The following KIZ variants were observed in gnomAD, a reference collection of about 807,000 sequenced individuals.
KIZ encodes the protein centrosomal protein kizuna.
Under a neutral mutation model 79.6 loss-of-function variants are expected in KIZ, and 68 were observed. That is an observed-to-expected ratio of 0.85 (90% CI 0.70 to 1.05). The LOEUF (loss-of-function observed/expected upper bound fraction) is 1.05. KIZ is among the 50% of genes least tolerant of loss of function. The pLI, the probability that KIZ is intolerant of heterozygous loss-of-function variation, is 0.00. For missense variants in KIZ, 797 were observed against 800.4 expected (o/e 1.00, Z 0.05); for synonymous variants, 280 against 281.8 (o/e 0.99, Z 0.06).
intron 7 of KIZ, among the ~76,000 whole-genome samples, chr20:21,213,236 ATCCAGACCTTCTG>A (rs1293410052): frequency 6.6e-6 from 1 of 152,222 alleles, no homozygotes; most frequent in Non-Finnish European, 1.5e-5. Flanking sequence ...CAGACCTTCC[ATCCAGACCTTCTG>A]TCCGGGCCTT....
chr20:21,152,348 G>A (rs1180938484), intron 4 of KIZ, among the ~76,000 whole-genome samples: 1 of 152,158 alleles, frequency 6.6e-6, no homozygotes, highest in South Asian at 2.1e-4. Flanking sequence ...TTCATTTTAG[G>A]AAGAAGGAGC....
chr20:21,224,140 C>T (rs985901161), intron 9 of KIZ, among the ~76,000 whole-genome samples: 15 of 151,788 alleles, frequency 9.9e-5, no homozygotes, highest in Admixed American at 2.0e-4. Flanking sequence ...ACTACAGGCA[C>T]GCGCCACCAT....
At chr20:21,133,445 T>C (rs1387277226) in intron 2 of KIZ, among the ~76,000 whole-genome samples, 2 of 152,172 alleles carry the variant, frequency 1.3e-5, no homozygotes, top group Non-Finnish European at 2.9e-5. Flanking sequence ...GGGCAGAAGA[T>C]TGTGTGTAGA....
intron 12 of KIZ, chr20:21,244,836 G>C (rs111640523): frequency 2.6e-5 from 4 of 153,732 alleles, no homozygotes; most frequent in African/African-American, 9.6e-5. Context: ...GGAGGCCCCA[G>C]CCCTGCTCTC....
chr20:21,229,987 C>A (rs1049923769), intron 10 of KIZ, among the ~76,000 whole-genome samples: 2 of 151,928 alleles, frequency 1.3e-5, no homozygotes, highest in Non-Finnish European at 2.9e-5. Context: ...AGTGGTTTTC[C>A]TTTCATTACA....
chr20:21,132,082 T>C lies in KIZ; in HGVS notation c.90-15T>C. 9.4e-7 allele frequency: 1 copy of C among 1,059,602 alleles called. No individual in the cohort carries two copies. The highest frequency in any genetic ancestry group is 1.4e-6 in the Non-Finnish European group (1 of 709,152). The allele number at this position is 1,059,602 out of a possible 1,614,324, so 65.6% of individuals were successfully genotyped here. Reference sequence around the variant, plus strand: ...ACTTATCATGTAATTACTTATAAAATGTTTTTTATTATAGTGAAAAGAAGA... The same window carrying C: ...ACTTATCATGTAATTACTTATAAAACGTTTTTTATTATAGTGAAAAGAAGA... On this transcript the variant is annotated splice_polypyrimidine_tract_variant and intron_variant, in intron 1 of 12. Transcript: ENST00000619189.
At chr20:21,200,640 C>G (rs972527127) in intron 6 of KIZ, among the ~76,000 whole-genome samples, 1 of 151,986 alleles carries the variant, frequency 6.6e-6, no homozygotes, top group Non-Finnish European at 1.5e-5. Flanking sequence ...AATGCTCCCC[C>G]TGATCTGACA....
At chr20:21,173,746 A>G (rs1324899635) in intron 6 of KIZ, among the ~76,000 whole-genome samples, 1 of 152,092 alleles carries the variant, frequency 6.6e-6, no homozygotes, top group Admixed American at 6.5e-5. Flanking sequence ...GAAAATCAAG[A>G]CAGAAGTTTT....
chr20:21,177,287 T>G (rs952606990), intron 6 of KIZ, among the ~76,000 whole-genome samples: 1 of 152,194 alleles, frequency 6.6e-6, no homozygotes, highest in Non-Finnish European at 1.5e-5. Flanking sequence ...TCGTATGAAC[T>G]GAAATTTTTC....
At chr20:21,163,226 CA>C in intron 6 of KIZ, 67 bp downstream of exon 6, 1 of 1,070,610 alleles carries the variant, frequency 9.3e-7, no homozygotes, top group Non-Finnish European at 1.4e-6. Flanking sequence ...GAGACCATTC[CA>C]CTGGGAATGT....
At chr20:21,215,669 G>T in intron 9 of KIZ, 21 bp downstream of exon 9, 1 of 1,539,552 alleles carries the variant, frequency 6.5e-7, no homozygotes, top group Non-Finnish European at 8.9e-7. Context: ...GGTTGCCTAA[G>T]AGTTTCAGAC....
rs1383063921 is a variant in KIZ at position 21,163,174 on chromosome 20, T to A, written c.1352+15T>A. On this transcript the variant is annotated intron_variant, in intron 6 of 12. Coordinates refer to ENST00000619189, the MANE Select transcript of KIZ (RefSeq NM_018474.6). ...CCAACAAGAGAGTAAGCCATTCAATTTTTTTTTTCTACTGTTCTGTTTTTA... is the reference window on the plus strand; with the variant it reads ...CCAACAAGAGAGTAAGCCATTCAATATTTTTTTTCTACTGTTCTGTTTTTA... The A allele has an allele frequency of 1.9e-6, 3 of 1,566,230 alleles. No homozygotes were observed. Among genetic ancestry groups the A allele is most frequent in the Admixed American group, 1.9e-5 (1 of 53,258 alleles).
chr20:21,163,229 T>A, intron 6 of KIZ, 70 bp downstream of exon 6: 3 of 1,038,072 alleles, frequency 2.9e-6, no homozygotes, highest in African/African-American at 1.6e-5. Flanking sequence ...ACCATTCCAC[T>A]GGGAATGTAT....
chr20:21,195,838 A>G (rs2035320839), intron 6 of KIZ: 1 of 152,484 alleles, frequency 6.6e-6, no homozygotes, highest in African/African-American at 2.4e-5. Context: ...TGATGGAGGC[A>G]CTGGCCCCAG....
At chr20:21,209,914 C>T (rs181504406) in intron 7 of KIZ, among the ~76,000 whole-genome samples, 101 of 107,154 alleles carry the variant, frequency 9.4e-4, no homozygotes, top group African/African-American at 3.8e-3. Flanking sequence ...TTCTTTAGAG[C>T]GAGCATATGT....
intron 11 of KIZ, among the ~76,000 whole-genome samples, chr20:21,244,032 G>A (rs1172031791): frequency 3.3e-5 from 5 of 152,150 alleles, no homozygotes; most frequent in Non-Finnish European, 5.9e-5. Flanking sequence ...GGGGACACAC[G>A]CAGGACGGGA....
chr20:21,160,712 C>G (rs749810576), intron 4 of KIZ, among the ~76,000 whole-genome samples: 32 of 152,242 alleles, frequency 2.1e-4, no homozygotes, highest in Non-Finnish European at 3.4e-4. Flanking sequence ...TATTGAAATT[C>G]TAATCCCCAA....
At chr20:21,126,033 G>A, upstream of KIZ, 1 of 1,391,442 alleles carries the variant, frequency 7.2e-7, no homozygotes, top group Non-Finnish European at 9.3e-7. Flanking sequence ...TTTACCCGCG[G>A]TGCATGGTGG....
chr20:21,147,134 C>CT (rs929556042), intron 4 of KIZ, among the ~76,000 whole-genome samples: 8 of 151,260 alleles, frequency 5.3e-5, no homozygotes, highest in Non-Finnish European at 8.8e-5. Flanking sequence ...AAAACGGAAG[C>CT]TTTTTTTTTC....
Sources: allele counts gnomAD v4.1 joint callset (sites outside exome capture counted in the v4.1 genomes callset), GRCh38; gene constraint gnomAD v4.1.1; transcripts MANE v1.5; gene names NCBI Gene and HGNC (gene_info 2026-07-23, HGNC 2026-07-21).